DPYD: variants seen among roughly 807,000 people sequenced by gnomAD.
DPYD encodes dihydropyrimidine dehydrogenase.
Under a neutral mutation model 116.2 loss-of-function variants are expected in DPYD, and 109 were observed. The ratio of observed to expected loss-of-function variants is 0.94; its 90% CI spans 0.80 to 1.10. The LOEUF is 1.10. Ranked by LOEUF, DPYD falls within the 50% of genes least tolerant of loss-of-function variation. The probability of loss-of-function intolerance (pLI) is 0.00; values close to 1 mark genes in which losing one functional copy is unlikely to be tolerated. For missense variants in DPYD, 1,302 were observed against 1,254.5 expected (o/e 1.04, Z -0.57); for synonymous variants, 440 against 432.0 (o/e 1.02, Z -0.23).
At chr1:97,112,279 A>T (rs1228182188) in intron 20 of DPYD, among the ~76,000 whole-genome samples, 5 of 152,192 alleles carry the variant, frequency 3.3e-5, no homozygotes, top group African/African-American at 4.8e-5. Context: ...CAATGGATTA[A>T]GCATGTTGTA....
intron 22 of DPYD, among the ~76,000 whole-genome samples, chr1:97,081,717 CTTTTTT>C (rs371355751): frequency 1.4e-4 from 19 of 136,452 alleles, no homozygotes; most frequent in Non-Finnish European, 2.0e-4. Context: ...CTTTTCTTTT[CTTTTTT>C]TTTTTTTTTT....
At chr1:97,700,378 G>T (rs1338799929) in intron 5 of DPYD, 1 of 426,808 alleles carries the variant, frequency 2.3e-6, no homozygotes, top group South Asian at 1.7e-5. Context: ...GATCTAAACA[G>T]AAAACCCTAT....
At chr1:97,538,824 GT>G (rs1650208352) in intron 12 of DPYD, among the ~76,000 whole-genome samples, 1 of 152,136 alleles carries the variant, frequency 6.6e-6, no homozygotes, top group African/African-American at 2.4e-5. Context: ...CAGAATATTT[GT>G]GTGTGTGTCT....
At chr1:97,686,636 CAAAAAAAAAAAAAAAA>C (rs1159274157) in intron 7 of DPYD, among the ~76,000 whole-genome samples, 1 of 10,054 alleles carries the variant, frequency 9.9e-5, no homozygotes, top group Non-Finnish European at 2.1e-4. Flanking sequence ...GACTCTGTCT[CAAAAAAAAAAAAAAAA>C]AAAAAAAAAA....
At chr1:97,350,567 A>C (rs115872137) in intron 16 of DPYD, among the ~76,000 whole-genome samples, 1 of 152,118 alleles carries the variant, frequency 6.6e-6, no homozygotes, top group Non-Finnish European at 1.5e-5. Context: ...TGATATATTA[A>C]TAGCTTATTA....
In DPYD at chr1:97,700,017, G is replaced by T. The variant is rs143256347; in HGVS notation, c.484-470C>A. ...TTTAATAAATAATTTCTTGAATTCT[G>T]CTTTTGATTATGACAGATTAACTTT... On this transcript the variant is annotated intron_variant, in intron 5 of 22. Coordinates refer to ENST00000370192, the MANE Select transcript of DPYD (RefSeq NM_000110.4). Among the ~76,000 whole-genome samples, 343 of 152,108 alleles carry T rather than the reference G, an allele frequency of 2.3e-3. 4 individuals are homozygous for T. The highest frequency in any genetic ancestry group is 2.5e-3 in the Non-Finnish European group (168 of 67,956).
intron 18 of DPYD, among the ~76,000 whole-genome samples, chr1:97,266,490 C>T (rs1351360873): frequency 9.9e-5 from 15 of 152,130 alleles, no homozygotes; most frequent in Non-Finnish European, 2.2e-4. Context: ...TAACAGAATA[C>T]TATAGACTGG....
chr1:97,252,928 A>G (rs1221550006), intron 18 of DPYD, among the ~76,000 whole-genome samples: 1 of 152,088 alleles, frequency 6.6e-6, no homozygotes, highest in East Asian at 1.9e-4. Context: ...AAATCATAAG[A>G]CTCCCAGAAT....
intron 14 of DPYD, among the ~76,000 whole-genome samples, chr1:97,447,403 T>C (rs1043260722): frequency 5.9e-5 from 9 of 152,206 alleles, no homozygotes; most frequent in African/African-American, 2.2e-4. Flanking sequence ...GACTGTCTAC[T>C]CTCAGCATGG....
intron 18 of DPYD, among the ~76,000 whole-genome samples, chr1:97,249,422 A>T (rs765380119): frequency 2.6e-5 from 4 of 152,074 alleles, no homozygotes; most frequent in Admixed American, 6.6e-5. Context: ...AAAAAATGAA[A>T]CCATGGCCTC....
At chr1:97,382,592 A>G (rs181196109) in intron 14 of DPYD, 131 bp from the exon 15 acceptor site, 109 of 505,648 alleles carry the variant, frequency 2.2e-4, no homozygotes, top group Non-Finnish European at 3.4e-4. Context: ...GTGAAAAAAT[A>G]AATCATTAGA....
chr1:97,094,381 G>A (rs182822849), intron 21 of DPYD, among the ~76,000 whole-genome samples: 1 of 152,248 alleles, frequency 6.6e-6, no homozygotes, highest in East Asian at 1.9e-4. Flanking sequence ...TTAATATAAT[G>A]TTTTAGAATT....
chr1:97,229,727 C>T (rs1661462945), intron 19 of DPYD, among the ~76,000 whole-genome samples: 1 of 151,752 alleles, frequency 6.6e-6, no homozygotes, highest in South Asian at 2.1e-4. Flanking sequence ...GCTCTCTGGG[C>T]AATAAATTCT....
chr1:97,514,231 GAC>G (rs1170492586), intron 13 of DPYD: 1 of 984,898 alleles, frequency 1.0e-6, no homozygotes, highest in East Asian at 1.1e-4. Context: ...GTTACTGAAA[GAC>G]ACAGCATCAC....
intron 8 of DPYD, among the ~76,000 whole-genome samples, chr1:97,623,780 T>C (rs1214110756): frequency 6.6e-6 from 1 of 151,366 alleles, no homozygotes; most frequent in African/African-American, 2.4e-5. Flanking sequence ...CAAAAAAAAA[T>C]AGACACATCA....
At chr1:97,907,764 A>G (rs1558046243) in intron 1 of DPYD, among the ~76,000 whole-genome samples, 1 of 151,368 alleles carries the variant, frequency 6.6e-6, no homozygotes, top group Non-Finnish European at 1.5e-5. Flanking sequence ...CAAATATCCC[A>G]GCTCCTTTGC....
At chr1:97,282,120 T>C (rs1025634352) in intron 18 of DPYD, among the ~76,000 whole-genome samples, 3 of 152,120 alleles carry the variant, frequency 2.0e-5, no homozygotes, top group African/African-American at 7.2e-5. Context: ...TGAGGGATGT[T>C]GTAAGAGAAA....
chr1:97,490,765 A>G (rs1678928389), intron 13 of DPYD, among the ~76,000 whole-genome samples: 1 of 150,412 alleles, frequency 6.6e-6, no homozygotes. Context: ...CCTCAACTTA[A>G]TTTCTTCTCT....
At chr1:97,218,345 CA>C (rs1037071774) in intron 19 of DPYD, among the ~76,000 whole-genome samples, 1 of 151,644 alleles carries the variant, frequency 6.6e-6, no homozygotes, top group Non-Finnish European at 1.5e-5. Context: ...GAAGAAAAAA[CA>C]AAAAATGACC....
Sources: gnomAD v4.1 joint callset for allele counts (sites outside exome capture counted in the v4.1 genomes callset) on GRCh38, gnomAD v4.1.1 for gene constraint, MANE v1.5 for transcripts, NCBI Gene and HGNC (gene_info 2026-07-23, HGNC 2026-07-21) for gene names.